SIPA1L3: variants seen among roughly 807,000 people sequenced by gnomAD.
SIPA1L3 encodes the protein signal induced proliferation associated 1 like 3.
A neutral mutation model predicts 150.1 loss-of-function variants in SIPA1L3; 59 were observed. That is an observed-to-expected ratio of 0.39 (90% CI 0.32 to 0.49). SIPA1L3 has a LOEUF of 0.49. Among genes scored for constraint, SIPA1L3 ranks in the 20% least tolerant of loss-of-function variants. The pLI, the probability that SIPA1L3 is intolerant of heterozygous loss-of-function variation, is 0.86. For synonymous variants in SIPA1L3, 1,070 were observed against 1,077.6 expected (o/e 0.99, Z 0.14); for missense variants, 2,211 against 2,489.5 (o/e 0.89, Z 2.38).
In SIPA1L3 at chr19:38,081,541, A is replaced by G; in HGVS notation, c.-25A>G. ...GAGTGACACCACAGCGTACGGGGCC[A>G]GCAGCACTCCAGTGCCCGTGGACTA... is the stretch of plus-strand genomic sequence containing the variant. On this transcript the variant is annotated 5_prime_UTR_variant, in exon 3 of 22. Transcript: ENST00000222345. The G allele has an allele frequency of 6.4e-7, 1 of 1,552,432 alleles. No homozygotes were observed. Among genetic ancestry groups the G allele is most frequent in the Non-Finnish European group, 8.7e-7 (1 of 1,145,678 alleles).
chr19:37,936,605 C>G lies in SIPA1L3; in HGVS notation c.-379+29247C>G, dbSNP rs570139141. Among the ~76,000 whole-genome samples, 6 of 152,326 alleles carry G rather than the reference C, an allele frequency of 3.9e-5. No individual in the cohort carries two copies. The East Asian group carries it at 1.2e-3, about 29-fold the overall frequency. ...TTCATAAGCCAACTCAGTGAATCTT[C>G]ACAGTGGCCCTATGAAATGGGCATT... is the stretch of plus-strand genomic sequence containing the variant. On this transcript the variant is annotated intron_variant, in intron 1 of 21. Coordinates refer to ENST00000222345, the MANE Select transcript of SIPA1L3 (RefSeq NM_015073.3).
At chr19:38,057,883 C>T (rs188638580) in intron 2 of SIPA1L3, among the ~76,000 whole-genome samples, 5 of 152,012 alleles carry the variant, frequency 3.3e-5, no homozygotes, top group African/African-American at 1.2e-4. Flanking sequence ...AGGATGGTCT[C>T]GATTTCCTGA....
In SIPA1L3 at chr19:38,142,709, A is replaced by G. The variant is rs765814374; in HGVS notation, c.3532A>G (p.Arg1178Gly). Residue 1178 changes from arginine to glycine, a missense_variant and splice_region_variant, in exon 12 of 22, where the codon AGG becomes GGG. Arg to Gly is a moderately radical substitution (Grantham distance 125). Around this residue, in one of 5 missense-constraint regions of SIPA1L3, gnomAD observed 806 missense variants for 870.1 expected, o/e 0.93. Transcript: ENST00000222345. Reference protein sequence around the residue: ...TYVRYKPSPERYTAAPHPLLS... With the variant: ...TYVRYKPSPEGYTAAPHPLLS... Reference sequence around the variant, plus strand: ...CGTGAGATACAAGCCATCCCCAGAAAGGTCAGCCTCCCTCAATTCTTTTCA... The same window carrying G: ...CGTGAGATACAAGCCATCCCCAGAAGGGTCAGCCTCCCTCAATTCTTTTCA... 4 of 1,612,224 alleles carry G rather than the reference A, an allele frequency of 2.5e-6. No individual in the cohort carries two copies. In the South Asian group the frequency reaches 4.4e-5, roughly 18 times the overall value.
In SIPA1L3 at chr19:37,907,253, C is replaced by A. The variant is rs1479001400; in HGVS notation, c.-484C>A. 1 of 152,564 alleles carries A rather than the reference C, an allele frequency of 6.6e-6. No homozygotes were observed. The highest frequency in any genetic ancestry group is 2.4e-5 in the African/African-American group (1 of 41,466). The allele number at this position is 152,564 out of a possible 1,614,324, so 9.5% of individuals were successfully genotyped here. ...CGCGAAGCGGCTTGGAAGTGGGCAG[C>A]CTGGAAGTCACTCGGGCCACCGGAG... On this transcript the variant is annotated 5_prime_UTR_variant, in exon 1 of 22. Coordinates refer to ENST00000222345, the MANE Select transcript of SIPA1L3 (RefSeq NM_015073.3).
intron 4 of SIPA1L3, among the ~76,000 whole-genome samples, chr19:38,094,482 C>A (rs4803747): frequency 0.31 from 46,569 of 152,042 alleles, 8,067 homozygotes; most frequent in East Asian, 0.61. Flanking sequence ...AACTCCTGAG[C>A]TCAGGTGACC....
chr19:38,140,695 G>A (rs984282016), intron 10 of SIPA1L3, among the ~76,000 whole-genome samples: 7 of 152,216 alleles, frequency 4.6e-5, no homozygotes, highest in Non-Finnish European at 8.8e-5. Context: ...GTTGGGTCCC[G>A]TCCTGGTTGA....
chr19:37,959,004 A>G (rs969108764), intron 1 of SIPA1L3, among the ~76,000 whole-genome samples: 2 of 152,250 alleles, frequency 1.3e-5, no homozygotes, highest in Admixed American at 6.5e-5. Flanking sequence ...TAGGATGGCT[A>G]GAGCCAAAAT....
chr19:37,924,347 C>T (rs1422304251), intron 1 of SIPA1L3, among the ~76,000 whole-genome samples: 1 of 151,532 alleles, frequency 6.6e-6, no homozygotes, highest in Non-Finnish European at 1.5e-5. Flanking sequence ...GGAGCTGTCA[C>T]TTCCTATGAT....
intron 21 of SIPA1L3, among the ~76,000 whole-genome samples, chr19:38,205,327 G>A (rs1160017261): frequency 6.6e-6 from 1 of 151,844 alleles, no homozygotes; most frequent in Non-Finnish European, 1.5e-5. Flanking sequence ...GTGTGGTGGT[G>A]CACGCCTGTA....
At chr19:37,961,386 C>T (rs1272800502) in intron 1 of SIPA1L3, among the ~76,000 whole-genome samples, 1 of 151,534 alleles carries the variant, frequency 6.6e-6, no homozygotes, top group Non-Finnish European at 1.5e-5. Flanking sequence ...TTTTTTTCTT[C>T]AGCATTTTGA....
intron 17 of SIPA1L3, among the ~76,000 whole-genome samples, chr19:38,192,952 A>C (rs1972836413): frequency 6.6e-6 from 1 of 152,094 alleles, no homozygotes; most frequent in African/African-American, 2.4e-5. Flanking sequence ...CACCTTCCCC[A>C]ACCCATCAGG....
At chr19:38,071,259 A>ATCTATCTG (rs1555783284) in intron 2 of SIPA1L3, among the ~76,000 whole-genome samples, 14 of 136,950 alleles carry the variant, frequency 1.0e-4, no homozygotes, top group African/African-American at 3.6e-4. Flanking sequence ...CTATCTATCT[A>ATCTATCTG]TCTATCTGCC....
Position 38,123,984 on chromosome 19 carries a change from C to T in SIPA1L3, c.2868+4102C>T, listed in dbSNP as rs186002660. ...GCCGGGCGGGGGGCCAACCCCCCCCCACCTCCCTCCCGGACGGGGCGGATG... is the reference window on the plus strand; with the variant it reads ...GCCGGGCGGGGGGCCAACCCCCCCCTACCTCCCTCCCGGACGGGGCGGATG... On this transcript the variant is annotated intron_variant, in intron 9 of 21. Transcript: ENST00000222345. Among the ~76,000 whole-genome samples the T allele has an allele frequency of 1.2e-3, 163 of 131,364 alleles. 4 individuals carry two copies. The South Asian group carries it at 0.016, about 13-fold the overall frequency. 86.2% of individuals were successfully genotyped at this position (131,364 alleles called of 152,430 possible). A position where few individuals can be genotyped will look rare whatever the true frequency, so the allele number is the denominator to read the frequency against.
chr19:38,031,404 G>A lies in SIPA1L3; in HGVS notation c.-311+2248G>A, dbSNP rs371408498. On this transcript the variant is annotated intron_variant, in intron 2 of 21. Coordinates refer to ENST00000222345, the MANE Select transcript of SIPA1L3 (RefSeq NM_015073.3). Reference sequence around the variant, plus strand: ...TTTTCTTGTCTCCTTAACCTCCTCCGATCTGGAACAATTCCTCCGTCTTTC... The same window carrying A: ...TTTTCTTGTCTCCTTAACCTCCTCCAATCTGGAACAATTCCTCCGTCTTTC... 4.3e-3 allele frequency among the ~76,000 whole-genome samples: 658 copies of A among 152,150 alleles called. 29 individuals are homozygous for A. The South Asian group carries it at 0.11, about 26-fold the overall frequency.
chr19:38,108,004 A>G (rs61292432), intron 7 of SIPA1L3, among the ~76,000 whole-genome samples: 4,167 of 152,030 alleles, frequency 0.027, 179 homozygotes, highest in African/African-American at 0.095. Context: ...AAAAAAAAAA[A>G]GCGCTTTGAT....
chr19:37,980,700 C>T (rs1157047904), intron 1 of SIPA1L3, among the ~76,000 whole-genome samples: 4 of 152,134 alleles, frequency 2.6e-5, no homozygotes, highest in East Asian at 1.9e-4. Flanking sequence ...TGAGCTCACC[C>T]GGGTGTGGGG....
chr19:38,091,340 C>G (rs1970252875), intron 4 of SIPA1L3, among the ~76,000 whole-genome samples: 1 of 152,108 alleles, frequency 6.6e-6, no homozygotes, highest in Non-Finnish European at 1.5e-5. Context: ...GAGCCAAGAT[C>G]ACACCACTGG....
At chr19:38,180,885 T>C (rs1972540183) in intron 15 of SIPA1L3, among the ~76,000 whole-genome samples, 1 of 152,180 alleles carries the variant, frequency 6.6e-6, no homozygotes, top group Admixed American at 6.6e-5. Flanking sequence ...GTGAATCTCT[T>C]TGTATTTTTC....
At chr19:38,175,054 C>T (rs1052038986) in intron 15 of SIPA1L3, among the ~76,000 whole-genome samples, 2 of 152,094 alleles carry the variant, frequency 1.3e-5, no homozygotes, top group African/African-American at 4.8e-5. Flanking sequence ...ACCAGACTAC[C>T]TATGTCTACA....
Sources: allele counts gnomAD v4.1 joint callset (sites outside exome capture counted in the v4.1 genomes callset), GRCh38; gene constraint gnomAD v4.1.1; regional missense constraint gnomAD v4.1.1; transcripts MANE v1.5; gene names NCBI Gene and HGNC (gene_info 2026-07-23, HGNC 2026-07-21).